PPP6C: variants seen among roughly 807,000 people sequenced by gnomAD.
PPP6C encodes protein phosphatase 6 catalytic subunit, also known as serine/threonine-protein phosphatase 6 catalytic subunit.
PPP6C carries 11 observed loss-of-function variants against 39.8 expected under a neutral mutation model. That is an observed-to-expected ratio of 0.28 (90% CI 0.17 to 0.46). The LOEUF (loss-of-function observed/expected upper bound fraction) is 0.46, where lower values mean the gene tolerates loss of function less well. Among genes scored for constraint, PPP6C ranks in the 20% least tolerant of loss-of-function variants. The pLI, the probability that PPP6C is intolerant of heterozygous loss-of-function variation, is 1.00. For synonymous variants in PPP6C, 129 were observed against 130.3 expected, an observed-to-expected ratio of 0.99 and a Z score of 0.07; for missense variants, 211 against 373.9, an observed-to-expected ratio of 0.56 and a Z score of 3.59.
At chr9:125,151,242 A>C in intron 6 of PPP6C, 1 of 1,504,724 alleles carries the variant, frequency 6.6e-7, no homozygotes, top group Non-Finnish European at 9.3e-7. Flanking sequence ...AATGAAGTCG[A>C]CCGCATGGTG....
intron 1 of PPP6C, chr9:125,189,010 A>C: frequency 1.6e-6 from 2 of 1,263,678 alleles, no homozygotes; most frequent in Non-Finnish European, 2.2e-6. Flanking sequence ...TACTTTATCC[A>C]CTTCAGTAAG....
intron 2 of PPP6C, among the ~76,000 whole-genome samples, chr9:125,166,865 A>G (rs1829025741): frequency 1.3e-5 from 2 of 151,998 alleles, no homozygotes; most frequent in Admixed American, 1.3e-4. Context: ...TGCAGTAGAT[A>G]TGCTTTATGC....
intron 3 of PPP6C, among the ~76,000 whole-genome samples, chr9:125,159,772 G>T (rs1828813842): frequency 6.6e-6 from 1 of 152,242 alleles, no homozygotes; most frequent in Non-Finnish European, 1.5e-5. Context: ...AGCACTTTGG[G>T]AGGCCAAGGC....
intron 1 of PPP6C, among the ~76,000 whole-genome samples, chr9:125,185,038 C>T (rs1266988826): frequency 4.6e-5 from 7 of 151,338 alleles, no homozygotes; most frequent in Non-Finnish European, 1.0e-4. Context: ...ATTAGACAAC[C>T]TCCAAGTTAT....
chr9:125,184,300 A>G (rs745557926), intron 1 of PPP6C, among the ~76,000 whole-genome samples: 1 of 152,086 alleles, frequency 6.6e-6, no homozygotes, highest in Admixed American at 6.6e-5. Context: ...AGGCAGGAGA[A>G]TTGTTTGAAC....
In PPP6C at chr9:125,175,906, A is replaced by G. The variant is rs1829287680; in HGVS notation, c.76-4726T>C. 2.0e-5 allele frequency among the ~76,000 whole-genome samples: 3 copies of G among 152,330 alleles called. No homozygotes were observed. The South Asian group carries it at 6.2e-4, about 32-fold the overall frequency. On this transcript the variant is annotated intron_variant, in intron 1 of 6. Coordinates refer to ENST00000373547, the MANE Select transcript of PPP6C (RefSeq NM_002721.5). ...CTGCTCTCAAGGGGCTTACATTCTAATAGAATGAGACAGACAATAAATAAG... is the reference window on the plus strand; with the variant it reads ...CTGCTCTCAAGGGGCTTACATTCTAGTAGAATGAGACAGACAATAAATAAG...
chr9:125,171,623 G>A (rs1054962933), intron 1 of PPP6C, among the ~76,000 whole-genome samples: 7 of 148,818 alleles, frequency 4.7e-5, no homozygotes, highest in South Asian at 4.2e-4. Context: ...ACACGATCTC[G>A]GCTCACTTCT....
At chr9:125,153,853 T>C in intron 5 of PPP6C, 53 bp downstream of exon 5, 1 of 1,531,794 alleles carries the variant, frequency 6.5e-7, no homozygotes, top group Non-Finnish European at 9.0e-7. Flanking sequence ...GATAAAAATA[T>C]GCAATGTGTT....
At chr9:125,169,767 A>T (rs571898315) in intron 2 of PPP6C, among the ~76,000 whole-genome samples, 1 of 152,270 alleles carries the variant, frequency 6.6e-6, no homozygotes, top group East Asian at 1.9e-4. Flanking sequence ...CCTAAAGTCT[A>T]CTCTAAAGAA....
At chr9:125,177,530 T>C (rs546496169) in intron 1 of PPP6C, among the ~76,000 whole-genome samples, 2 of 151,958 alleles carry the variant, frequency 1.3e-5, no homozygotes, top group African/African-American at 4.8e-5. Flanking sequence ...GACTTCGTTC[T>C]CCATATAAAG....
intron 2 of PPP6C, among the ~76,000 whole-genome samples, chr9:125,168,255 A>T (rs767899234): frequency 6.6e-6 from 1 of 152,326 alleles, no homozygotes; most frequent in African/African-American, 2.4e-5. Context: ...ACTGAAATCT[A>T]TAACTCCTCA....
chr9:125,156,744 G>GCGCT (rs763621443), intron 4 of PPP6C, among the ~76,000 whole-genome samples: 10 of 141,342 alleles, frequency 7.1e-5, no homozygotes, highest in Admixed American at 1.4e-4. Flanking sequence ...TAATAAGCTC[G>GCGCT]CTCTCTCTCT....
intron 1 of PPP6C, among the ~76,000 whole-genome samples, chr9:125,184,559 AG>A (rs1386085572): frequency 6.6e-6 from 1 of 151,686 alleles, no homozygotes; most frequent in Non-Finnish European, 1.5e-5. Context: ...CCTACCTCAA[AG>A]AAAAAAAAAA....
intron 1 of PPP6C, among the ~76,000 whole-genome samples, chr9:125,182,193 C>A (rs1326813842): frequency 6.6e-6 from 1 of 152,192 alleles, no homozygotes; most frequent in African/African-American, 2.4e-5. Context: ...CCATTCTATT[C>A]TCTGTTCTGT....
At chr9:125,181,533 T>G (rs1353772241) in intron 1 of PPP6C, among the ~76,000 whole-genome samples, 3 of 152,078 alleles carry the variant, frequency 2.0e-5, no homozygotes, top group Non-Finnish European at 4.4e-5. Context: ...CCCTCCCCTC[T>G]GCCCATATGT....
chr9:125,151,692 G>C (rs73668905), intron 6 of PPP6C: 4,318 of 273,060 alleles, frequency 0.016, 156 homozygotes, highest in African/African-American at 0.098. Context: ...GCTTGCTCCA[G>C]TGTAGCTTTC....
At chr9:125,184,667 T>C (rs1302449308) in intron 1 of PPP6C, among the ~76,000 whole-genome samples, 1 of 152,014 alleles carries the variant, frequency 6.6e-6, no homozygotes, top group Admixed American at 6.6e-5. Flanking sequence ...TGTTCTAAAA[T>C]TGTGGAAAAC....
At chr9:125,178,445 T>C (rs568251200) in intron 1 of PPP6C, among the ~76,000 whole-genome samples, 1 of 152,336 alleles carries the variant, frequency 6.6e-6, no homozygotes, top group East Asian at 1.9e-4. Context: ...GTCATCACTG[T>C]ATCTTCTTTG....
intron 4 of PPP6C, among the ~76,000 whole-genome samples, 177 bp downstream of exon 4, chr9:125,158,064 C>G (rs1031073655): frequency 6.6e-6 from 1 of 151,998 alleles, no homozygotes; most frequent in African/African-American, 2.4e-5. Flanking sequence ...AGATGCACAC[C>G]AAAAAGTTAA....
Sources: allele counts gnomAD v4.1 joint callset (sites outside exome capture counted in the v4.1 genomes callset), GRCh38; gene constraint gnomAD v4.1.1; transcripts MANE v1.5; gene names NCBI Gene and HGNC (gene_info 2026-07-23, HGNC 2026-07-21).